Variants in ACSS3 observed in about 807,000 individuals in gnomAD.
The protein encoded by ACSS3 is acyl-CoA synthetase short chain family member 3, also known as acyl-CoA synthetase short-chain family member 3, mitochondrial.
A neutral mutation model predicts 84.2 loss-of-function variants in ACSS3; 64 were observed. That is an observed-to-expected ratio of 0.76 (90% CI 0.62 to 0.94). ACSS3 has a LOEUF of 0.94. Among genes scored for constraint, ACSS3 ranks in the 40% least tolerant of loss-of-function variants. The probability of loss-of-function intolerance (pLI) is 0.00; values close to 1 mark genes in which losing one functional copy is unlikely to be tolerated. For missense variants in ACSS3, 815 were observed against 867.6 expected (o/e 0.94, Z 0.76); for synonymous variants, 317 against 310.1 (o/e 1.02, Z -0.23).
intron 8 of ACSS3, among the ~76,000 whole-genome samples, chr12:81,193,217 A>C (rs541332419): frequency 2.0e-5 from 3 of 152,334 alleles, no homozygotes; most frequent in Admixed American, 2.0e-4. Flanking sequence ...CATGTGAACC[A>C]GAAGTCGACG....
intron 11 of ACSS3, among the ~76,000 whole-genome samples, chr12:81,229,671 C>T (rs372147000): frequency 6.6e-6 from 1 of 151,992 alleles, no homozygotes; most frequent in East Asian, 1.9e-4. Context: ...ACAGCAAAAA[C>T]ACAACAGCAT....
At chr12:81,088,844 A>C (rs1353557239) in intron 1 of ACSS3, among the ~76,000 whole-genome samples, 1 of 152,040 alleles carries the variant, frequency 6.6e-6, no homozygotes, top group African/African-American at 2.4e-5. Flanking sequence ...GTGATATAAG[A>C]AGAGTTTTTA....
intron 13 of ACSS3, among the ~76,000 whole-genome samples, chr12:81,235,199 C>T (rs1383970717): frequency 6.6e-6 from 1 of 151,208 alleles, no homozygotes; most frequent in Non-Finnish European, 1.5e-5. Flanking sequence ...TATTGAATTG[C>T]CATTGCAACT....
chr12:81,083,698 G>A lies in ACSS3; in HGVS notation c.311+5267G>A, dbSNP rs569818038. Among the ~76,000 whole-genome samples the A allele has an allele frequency of 3.4e-4, 52 of 152,024 alleles. 2 individuals are homozygous for A. The highest frequency in any genetic ancestry group is 1.2e-3 in the African/African-American group (49 of 41,504). On this transcript the variant is annotated intron_variant, in intron 1 of 15. Coordinates refer to ENST00000548058, the MANE Select transcript of ACSS3 (RefSeq NM_024560.4). ...TTAAAGAAGAAAAAATGGGCAGGGC[G>A]CAGCAGCTCACGCATGTAATCTCAG...
At chr12:81,127,023 CTG>C (rs1885147198) in intron 2 of ACSS3, among the ~76,000 whole-genome samples, 2 of 151,630 alleles carry the variant, frequency 1.3e-5, no homozygotes, top group Non-Finnish European at 3.0e-5. Context: ...AAGTATTCCT[CTG>C]TGTTTTAGAT....
chr12:81,175,723 T>C (rs1034377251), intron 8 of ACSS3, among the ~76,000 whole-genome samples: 2 of 152,100 alleles, frequency 1.3e-5, no homozygotes, highest in East Asian at 1.9e-4. Flanking sequence ...TACAATTACA[T>C]GGAAATTAAA....
intron 8 of ACSS3, among the ~76,000 whole-genome samples, chr12:81,179,380 A>C (rs922281720): frequency 2.0e-5 from 3 of 151,866 alleles, no homozygotes; most frequent in African/African-American, 7.2e-5. Flanking sequence ...AACTATCAAC[A>C]GAGTAAACAG....
intron 11 of ACSS3, among the ~76,000 whole-genome samples, chr12:81,223,669 G>A (rs879847029): frequency 2.0e-5 from 3 of 151,926 alleles, no homozygotes; most frequent in Non-Finnish European, 4.4e-5. Context: ...TGCCCTGAGG[G>A]AAAGAAATTA....
At chr12:81,198,922 G>A (rs897914663) in intron 8 of ACSS3, among the ~76,000 whole-genome samples, 2 of 152,160 alleles carry the variant, frequency 1.3e-5, no homozygotes, top group Non-Finnish European at 2.9e-5. Context: ...AATATTTGCT[G>A]CCTTAGCCAA....
At chr12:81,083,132 C>T (rs1430541337) in intron 1 of ACSS3, among the ~76,000 whole-genome samples, 3 of 152,160 alleles carry the variant, frequency 2.0e-5, no homozygotes, top group Non-Finnish European at 4.4e-5. Flanking sequence ...CTTTTAGTGG[C>T]TTGTCTGAGT....
intron 11 of ACSS3, among the ~76,000 whole-genome samples, chr12:81,227,964 T>C (rs2033327139): frequency 6.6e-6 from 1 of 151,828 alleles, no homozygotes; most frequent in African/African-American, 2.4e-5. Context: ...AGCAATCACC[T>C]CTGTAATCCA....
At chr12:81,218,043 A>G (rs1450698020) in intron 10 of ACSS3, among the ~76,000 whole-genome samples, 1 of 152,174 alleles carries the variant, frequency 6.6e-6, no homozygotes, top group Non-Finnish European at 1.5e-5. Flanking sequence ...TACAAGTCAC[A>G]TAACTTTTTG....
chr12:81,127,911 T>C (rs1256664737), intron 2 of ACSS3, among the ~76,000 whole-genome samples: 1 of 152,190 alleles, frequency 6.6e-6, no homozygotes, highest in East Asian at 1.9e-4. Flanking sequence ...ATTTGAGCTA[T>C]GAGCATCTGG....
chr12:81,188,526 C>A (rs557679682), intron 8 of ACSS3, among the ~76,000 whole-genome samples: 5 of 152,156 alleles, frequency 3.3e-5, no homozygotes, highest in African/African-American at 1.2e-4. Flanking sequence ...ATTATCTCTT[C>A]TTGGCTTCCC....
chr12:81,199,529 C>A lies in ACSS3; in HGVS notation c.1354+85C>A, dbSNP rs1319345446. On this transcript the variant is annotated intron_variant, in intron 9 of 15. Transcript: ENST00000548058. ...ATTGGAGGAAACTTTTGAGCTACGA[C>A]CAGCAGATCAGACACAAACTCGGGA... is the stretch of plus-strand genomic sequence containing the variant. 8.8e-6 allele frequency: 13 copies of A among 1,480,788 alleles called. No homozygotes were observed. In the Admixed American group the frequency reaches 2.2e-4, roughly 25 times the overall value. 91.7% of individuals were successfully genotyped at this position (1,480,788 alleles called of 1,614,324 possible).
chr12:81,200,798 G>C (rs978195867), intron 9 of ACSS3, among the ~76,000 whole-genome samples: 2 of 151,322 alleles, frequency 1.3e-5, no homozygotes, highest in African/African-American at 4.9e-5. Context: ...CTACTCGGGA[G>C]GCAGAGAATT....
intron 2 of ACSS3, among the ~76,000 whole-genome samples, chr12:81,118,933 A>T (rs547984106): frequency 6.6e-6 from 1 of 152,308 alleles, no homozygotes; most frequent in East Asian, 1.9e-4. Context: ...CATTTGTAGC[A>T]TGGAGAAAGG....
At chr12:81,140,056 T>A (rs1886018308) in intron 4 of ACSS3, among the ~76,000 whole-genome samples, 1 of 152,206 alleles carries the variant, frequency 6.6e-6, no homozygotes, top group Admixed American at 6.5e-5. Context: ...AGTGCCAGTG[T>A]CAAGATGCGA....
intron 7 of ACSS3, among the ~76,000 whole-genome samples, chr12:81,155,667 G>A (rs548433850): frequency 6.6e-6 from 1 of 152,180 alleles, no homozygotes; most frequent in Non-Finnish European, 1.5e-5. Context: ...TATCAAAAGT[G>A]TCCTCTTTTT....
Sources: gnomAD v4.1 joint callset for allele counts (sites outside exome capture counted in the v4.1 genomes callset) on GRCh38, gnomAD v4.1.1 for gene constraint, MANE v1.5 for transcripts, NCBI Gene and HGNC (gene_info 2026-07-23, HGNC 2026-07-21) for gene names.